GNG12: variants seen among roughly 807,000 people sequenced by gnomAD.
The protein encoded by GNG12 is G protein subunit gamma 12.
For missense variants in GNG12, 69 were observed against 83.8 expected (o/e 0.82, Z 0.69); for synonymous variants, 28 against 29.7 (o/e 0.94, Z 0.19).
In GNG12 at chr1:67,802,483, A is replaced by G. The variant is rs1309581416; in HGVS notation, c.-76-24976T>C. 3.9e-5 allele frequency among the ~76,000 whole-genome samples: 6 copies of G among 152,116 alleles called. No individual in the cohort carries two copies. The East Asian group carries it at 1.2e-3, about 29-fold the overall frequency. ...GAGATTTCATGCTTTCAGGCTCCAG[A>G]CTTCTGCATGCTCTGCTCTCACTGC... On this transcript the variant is annotated intron_variant, in intron 1 of 3. Transcript: ENST00000370982.
intron 1 of GNG12, among the ~76,000 whole-genome samples, chr1:67,810,690 C>A (rs984713312): frequency 1.3e-5 from 2 of 152,182 alleles, no homozygotes; most frequent in Admixed American, 1.3e-4. Context: ...CTCCTCCCCA[C>A]CTTGGACCAC....
chr1:67,751,140 C>T (rs1227677121), intron 2 of GNG12, among the ~76,000 whole-genome samples: 1 of 151,434 alleles, frequency 6.6e-6, no homozygotes, highest in African/African-American at 2.4e-5. Context: ...CACGCATCCA[C>T]TCATAGTCTA....
At chr1:67,792,090 C>T (rs1006181307) in intron 1 of GNG12, among the ~76,000 whole-genome samples, 3 of 152,144 alleles carry the variant, frequency 2.0e-5, no homozygotes, top group African/African-American at 7.2e-5. Context: ...CTCAGAAAGG[C>T]CCTACTCTCT....
At chr1:67,825,905 GGT>G in intron 1 of GNG12, among the ~76,000 whole-genome samples, 1 of 152,256 alleles carries the variant, frequency 6.6e-6, no homozygotes, top group Non-Finnish European at 1.5e-5. Flanking sequence ...CCAAAGTGCT[GGT>G]CTTTACCTAC....
Position 67,730,331 on chromosome 1 carries a change from C to T in GNG12, c.-26-22619G>A, listed in dbSNP as rs568878631. ...CCTCGCCAACATGGCGAAACTCCAT[C>T]TCTACTAAAAATACAAAAAATTAGC... On this transcript the variant is annotated intron_variant, in intron 2 of 3. Coordinates refer to ENST00000370982, the MANE Select transcript of GNG12 (RefSeq NM_018841.6). 4.3e-3 allele frequency among the ~76,000 whole-genome samples: 653 copies of T among 152,320 alleles called. 1 individual carries two copies. The highest frequency in any genetic ancestry group is 7.1e-3 in the Non-Finnish European group (485 of 68,024).
At chr1:67,815,354 C>T (rs1646948058) in intron 1 of GNG12, among the ~76,000 whole-genome samples, 1 of 152,186 alleles carries the variant, frequency 6.6e-6, no homozygotes, top group Non-Finnish European at 1.5e-5. Context: ...AGCCTACATA[C>T]ACCTCTTGAA....
chr1:67,777,466 C>T lies in GNG12; in HGVS notation c.-35G>A. The stretch of plus-strand genomic sequence containing the variant: ...AGAAATGAAGAACTTACCAGTAAGA[C>T]TTTGTGTGGTCCAATGTTTTCAGGT... On this transcript the variant is annotated 5_prime_UTR_variant, in exon 2 of 4. Transcript: ENST00000370982. 1 of 921,594 alleles carries T rather than the reference C, an allele frequency of 1.1e-6. No homozygotes were observed. Among genetic ancestry groups the T allele is most frequent in the Non-Finnish European group, 1.3e-6 (1 of 771,700 alleles). The allele number at this position is 921,594 out of a possible 1,614,324, so 57.1% of individuals were successfully genotyped here.
intron 1 of GNG12, 142 bp downstream of exon 1, chr1:67,833,202 T>C (rs1647061716): frequency 1.2e-5 from 2 of 164,436 alleles, no homozygotes; most frequent in Non-Finnish European, 2.4e-5. Flanking sequence ...CCTTCCTTCC[T>C]TCCTCCGCTC....
chr1:67,829,201 G>A (rs772481712), intron 1 of GNG12, among the ~76,000 whole-genome samples: 1 of 152,108 alleles, frequency 6.6e-6, no homozygotes, highest in Non-Finnish European at 1.5e-5. Context: ...TAATTTTTAA[G>A]CTAGCTGTAA....
At chr1:67,818,731 A>G (rs1221306779) in intron 1 of GNG12, among the ~76,000 whole-genome samples, 2 of 152,164 alleles carry the variant, frequency 1.3e-5, no homozygotes, top group African/African-American at 4.8e-5. Flanking sequence ...GAGATCAAGA[A>G]TAATGTTCAC....
chr1:67,803,767 C>G (rs1271797141), intron 1 of GNG12, among the ~76,000 whole-genome samples: 1 of 152,184 alleles, frequency 6.6e-6, no homozygotes, highest in Non-Finnish European at 1.5e-5. Flanking sequence ...TAGCACAAGT[C>G]TGACACAGGG....
intron 2 of GNG12, among the ~76,000 whole-genome samples, chr1:67,763,090 G>GGAGAGAGGGAGAGAGAGAGAGA (rs1646615153): frequency 8.6e-6 from 1 of 116,724 alleles, no homozygotes; most frequent in African/African-American, 3.2e-5. Flanking sequence ...TACCCTCCCA[G>GGAGAGAGGGAGAGAGAGAGAGA]GAGAGAGAGA....
intron 2 of GNG12, among the ~76,000 whole-genome samples, chr1:67,727,587 T>C (rs1471501627): frequency 6.6e-6 from 1 of 152,192 alleles, no homozygotes; most frequent in Non-Finnish European, 1.5e-5. Context: ...GCTTTATAAC[T>C]GAAAACGATT....
chr1:67,819,053 G>A (rs1646970728), intron 1 of GNG12, among the ~76,000 whole-genome samples: 1 of 152,148 alleles, frequency 6.6e-6, no homozygotes. Context: ...CATGCTGGTG[G>A]CAGTGTGCAG....
At chr1:67,714,045 C>A (rs1301960767) in intron 2 of GNG12, among the ~76,000 whole-genome samples, 1 of 152,200 alleles carries the variant, frequency 6.6e-6, no homozygotes, top group Non-Finnish European at 1.5e-5. Flanking sequence ...TCAAAGCCTG[C>A]AGGCTAAATC....
chr1:67,788,282 G>A (rs1251039944), intron 1 of GNG12, among the ~76,000 whole-genome samples: 2 of 152,168 alleles, frequency 1.3e-5, no homozygotes, highest in South Asian at 2.1e-4. Flanking sequence ...TGTTGTTGTT[G>A]TTAACTGAAA....
intron 2 of GNG12, among the ~76,000 whole-genome samples, chr1:67,720,339 C>T (rs1434880724): frequency 6.6e-6 from 1 of 152,218 alleles, no homozygotes; most frequent in East Asian, 1.9e-4. Flanking sequence ...AACTTAGCCC[C>T]TTCTGTGCTC....
At chr1:67,786,390 T>C (rs1243370388) in intron 1 of GNG12, among the ~76,000 whole-genome samples, 1 of 151,714 alleles carries the variant, frequency 6.6e-6, no homozygotes, top group Non-Finnish European at 1.5e-5. Context: ...AATTGGACGG[T>C]GGTCCCCAGA....
At chr1:67,733,824 T>G (rs1042363399) in intron 2 of GNG12, among the ~76,000 whole-genome samples, 1 of 152,152 alleles carries the variant, frequency 6.6e-6, no homozygotes, top group Non-Finnish European at 1.5e-5. Context: ...TTCCAACAAA[T>G]AGCCCAGGCA....
Sources: gnomAD v4.1 joint callset for allele counts (sites outside exome capture counted in the v4.1 genomes callset) on GRCh38, gnomAD v4.1.1 for gene constraint, MANE v1.5 for transcripts, NCBI Gene and HGNC (gene_info 2026-07-23, HGNC 2026-07-21) for gene names.